GLRA2: variants seen among roughly 807,000 people sequenced by gnomAD.
GLRA2 encodes the protein glycine receptor subunit alpha-2.
GLRA2 carries 11 observed loss-of-function variants against 31.6 expected under a neutral mutation model. That is an observed-to-expected ratio of 0.35 (90% confidence interval 0.22 to 0.58). The LOEUF is 0.58. GLRA2 is among the 20% of genes least tolerant of loss of function. GLRA2 has a pLI of 0.84. For synonymous variants in GLRA2, 132 were observed against 134.0 expected, an observed-to-expected ratio of 0.99 and a Z score of 0.10; for missense variants, 212 against 351.8, an observed-to-expected ratio of 0.60 and a Z score of 3.18.
At chrX:14,565,044 C>A (rs2147046648) in intron 2 of GLRA2, among the ~76,000 whole-genome samples, 1 of 109,687 alleles carries the variant, frequency 9.1e-6, no homozygotes, top group East Asian at 2.9e-4. Context: ...TAAAAGAGGT[C>A]ATAATAGAGG....
At chrX:14,546,260 A>G (rs1269417256) in intron 2 of GLRA2, among the ~76,000 whole-genome samples, 1 of 111,772 alleles carries the variant, frequency 8.9e-6, no homozygotes, top group Non-Finnish European at 1.9e-5. Context: ...ACAGTCTGGA[A>G]TATGTGTTCC....
chrX:14,541,174 T>C (rs1249332992), intron 2 of GLRA2, among the ~76,000 whole-genome samples: 2 of 111,719 alleles, frequency 1.8e-5, no homozygotes, highest in Non-Finnish European at 3.8e-5. Context: ...TAATGCCAAG[T>C]CTCTCTGGGG....
chrX:14,681,910 A>AAAAAATATAT (rs758563376), intron 7 of GLRA2, among the ~76,000 whole-genome samples: 6 of 41,294 alleles, frequency 1.5e-4, no homozygotes, highest in African/African-American at 7.3e-4. Flanking sequence ...AAAAAAAAAA[A>AAAAAATATAT]ATATATATAT....
At chrX:14,621,657 T>G (rs758892587) in intron 7 of GLRA2, among the ~76,000 whole-genome samples, 1 of 111,817 alleles carries the variant, frequency 8.9e-6, no homozygotes, top group South Asian at 3.7e-4. Context: ...AATGATGGTT[T>G]CCAGCTTCAT....
intron 8 of GLRA2, among the ~76,000 whole-genome samples, chrX:14,691,328 C>T (rs113103413): frequency 1.1e-4 from 11 of 100,102 alleles, no homozygotes; most frequent in Admixed American, 3.2e-4. Flanking sequence ...TGTGTGTGCG[C>T]GCGTGCGTGC....
At chrX:14,679,930 C>T (rs2091182297) in intron 7 of GLRA2, among the ~76,000 whole-genome samples, 1 of 111,303 alleles carries the variant, frequency 9.0e-6, no homozygotes, top group Non-Finnish European at 1.9e-5. Flanking sequence ...ATGTACAACC[C>T]CAAGAAAAAC....
At chrX:14,588,308 G>A (rs949469773) in intron 4 of GLRA2, among the ~76,000 whole-genome samples, 2 of 111,818 alleles carry the variant, frequency 1.8e-5, no homozygotes, top group Non-Finnish European at 3.8e-5. Flanking sequence ...TCATTCTTCT[G>A]CATATGGCTA....
intron 2 of GLRA2, among the ~76,000 whole-genome samples, chrX:14,559,817 G>A (rs1383076337): frequency 9.0e-6 from 1 of 111,038 alleles, no homozygotes; most frequent in Non-Finnish European, 1.9e-5. Flanking sequence ...CCTCCGCCTC[G>A]ATTGTGGGGC....
the GLRA2 span, among the ~76,000 whole-genome samples, chrX:14,455,306 G>T: frequency 9.8e-5 from 11 of 111,913 alleles, no homozygotes; most frequent in South Asian, 3.7e-4. Flanking sequence ...TATAGTCTAC[G>T]TGTCAAGCCA....
intron 2 of GLRA2, among the ~76,000 whole-genome samples, chrX:14,560,797 CAAAAAAAAA>C (rs760583127): frequency 1.2e-4 from 5 of 41,262 alleles, no homozygotes; most frequent in African/African-American, 4.0e-4. Flanking sequence ...GACCCTGTCT[CAAAAAAAAA>C]AAAAAAAAAA....
intron 7 of GLRA2, among the ~76,000 whole-genome samples, chrX:14,653,706 G>A (rs201274234): frequency 8.9e-6 from 1 of 112,587 alleles, no homozygotes; most frequent in African/African-American, 3.2e-5. Flanking sequence ...TGAGAGGATT[G>A]AATCCAATTT....
intron 2 of GLRA2, among the ~76,000 whole-genome samples, 180 bp downstream of exon 2, chrX:14,532,552 C>T (rs919180609): frequency 8.9e-6 from 1 of 111,760 alleles, no homozygotes; most frequent in African/African-American, 3.2e-5. Context: ...TGTCACTTCC[C>T]ACATTTGAAA....
chrX:14,487,961 C>G, the GLRA2 span, among the ~76,000 whole-genome samples: 1 of 111,873 alleles, frequency 8.9e-6, no homozygotes, highest in Non-Finnish European at 1.9e-5. Flanking sequence ...ACTCTGGTGT[C>G]TTTTCCCTCT....
At chrX:14,605,725 AATT>A (rs2090326170) in intron 5 of GLRA2, among the ~76,000 whole-genome samples, 1 of 111,631 alleles carries the variant, frequency 9.0e-6, no homozygotes, top group South Asian at 3.7e-4. Flanking sequence ...GAAGGGTGGG[AATT>A]ATTATTTTTT....
chrX:14,449,423 A>G, the GLRA2 span, among the ~76,000 whole-genome samples: 1 of 112,798 alleles, frequency 8.9e-6, no homozygotes, highest in African/African-American at 3.2e-5. Context: ...TGTGGAGTCC[A>G]GAAGGTGTCA....
intron 7 of GLRA2, among the ~76,000 whole-genome samples, chrX:14,610,861 G>C (rs1169074969): frequency 8.9e-6 from 1 of 112,223 alleles, no homozygotes; most frequent in African/African-American, 3.2e-5. Flanking sequence ...TTATGATTCT[G>C]CATCAATGGT....
At chrX:14,680,179 T>C (rs2147166730) in intron 7 of GLRA2, among the ~76,000 whole-genome samples, 1 of 112,346 alleles carries the variant, frequency 8.9e-6, no homozygotes, top group South Asian at 3.7e-4. Flanking sequence ...TGCTGCTCCA[T>C]GATCTATGTG....
chrX:14,595,459 T>C (rs1020154656), intron 4 of GLRA2, among the ~76,000 whole-genome samples: 2 of 111,945 alleles, frequency 1.8e-5, no homozygotes, highest in African/African-American at 6.5e-5. Context: ...TAGGCAGGAC[T>C]CTCTCTATGC....
chrX:14,596,723 T>C (rs536140911), intron 4 of GLRA2, among the ~76,000 whole-genome samples: 8 of 111,535 alleles, frequency 7.2e-5, no homozygotes, highest in African/African-American at 2.6e-4. Context: ...TCTTAAAACC[T>C]TCTCCTTTTT....
Sources: gnomAD v4.1 joint callset for allele counts (sites outside exome capture counted in the v4.1 genomes callset) on GRCh38, gnomAD v4.1.1 for gene constraint, MANE v1.5 for transcripts, NCBI Gene and HGNC (gene_info 2026-07-23, HGNC 2026-07-21) for gene names.